Variants in COL8A1 observed in about 807,000 individuals in gnomAD.
COL8A1 encodes the protein collagen type VIII alpha 1 chain.
Under a neutral mutation model 42.7 loss-of-function variants are expected in COL8A1, and 21 were observed. The ratio of observed to expected loss-of-function variants is 0.49; its 90% CI spans 0.35 to 0.71. The LOEUF (loss-of-function observed/expected upper bound fraction) is 0.71, where lower values mean the gene tolerates loss of function less well. Among genes scored for constraint, COL8A1 ranks in the 30% least tolerant of loss-of-function variants. COL8A1 has a pLI of 0.01. For missense variants in COL8A1, 788 were observed against 962.4 expected (o/e 0.82, Z 2.40); for synonymous variants, 367 against 369.1 (o/e 0.99, Z 0.06).
intron 1 of COL8A1, among the ~76,000 whole-genome samples, chr3:99,716,361 G>A (rs1485568851): frequency 1.3e-5 from 2 of 151,928 alleles, no homozygotes; most frequent in East Asian, 1.9e-4. Flanking sequence ...CTTAAACATC[G>A]AGGCAGTTGC....
intron 1 of COL8A1, among the ~76,000 whole-genome samples, chr3:99,668,265 C>A (rs1476641826): frequency 6.6e-6 from 1 of 152,018 alleles, no homozygotes; most frequent in Non-Finnish European, 1.5e-5. Flanking sequence ...GGTTTTCGGT[C>A]CATTTAATTA....
rs76648181 is a variant in COL8A1, at chr3:99,689,845, C to T, written c.-129+51181C>T. On this transcript the variant is annotated intron_variant, in intron 1 of 3. Coordinates refer to ENST00000652472, the MANE Select transcript of COL8A1 (RefSeq NM_020351.4). ...CCCATCTATTCAACTTCCTCACAGA[C>T]GAGAGAACAGCAAAGGACAGTGAAC... Among the ~76,000 whole-genome samples, 789 of 152,166 alleles carry T rather than the reference C, an allele frequency of 5.2e-3. 8 individuals are homozygous for T. Among genetic ancestry groups the T allele is most frequent in the African/African-American group, 0.017 (700 of 41,532 alleles).
intron 1 of COL8A1, among the ~76,000 whole-genome samples, chr3:99,676,939 T>G (rs1938714898): frequency 6.6e-6 from 1 of 151,834 alleles, no homozygotes; most frequent in Non-Finnish European, 1.5e-5. Flanking sequence ...AATTTTATGC[T>G]GGGTGCAGTG....
Position 99,686,301 on chromosome 3 carries a change from TA to T in COL8A1, c.-129+47640del, listed in dbSNP as rs1376492715. Among the ~76,000 whole-genome samples the T allele has an allele frequency of 9.2e-5, 14 of 152,360 alleles. No homozygotes were observed. The East Asian group carries it at 1.9e-3, about 21-fold the overall frequency. ...ATGATACATTTCATTCAATTTAGTA[TA>T]AACCTTGTTAACAATGTATGAAAAC... is the stretch of plus-strand genomic sequence containing the variant. On this transcript the variant is annotated intron_variant, in intron 1 of 3. Transcript: ENST00000652472.
intron 2 of COL8A1, among the ~76,000 whole-genome samples, chr3:99,752,320 G>T (rs1400953672): frequency 1.3e-5 from 2 of 152,086 alleles, no homozygotes; most frequent in Non-Finnish European, 2.9e-5. Context: ...TTAGTACAGG[G>T]TTTGGTCATA....
At chr3:99,709,080 T>A (rs1487924067) in intron 1 of COL8A1, among the ~76,000 whole-genome samples, 1 of 129,380 alleles carries the variant, frequency 7.7e-6, no homozygotes, top group Non-Finnish European at 1.5e-5. Flanking sequence ...ATCTTGGCCC[T>A]TTTTGCTCTT....
intron 2 of COL8A1, among the ~76,000 whole-genome samples, chr3:99,760,774 T>C (rs746158653): frequency 2.0e-5 from 3 of 152,196 alleles, no homozygotes; most frequent in Non-Finnish European, 4.4e-5. Context: ...CAGAGATTTA[T>C]CGCCTCCATT....
intron 2 of COL8A1, among the ~76,000 whole-genome samples, chr3:99,764,987 G>A (rs1284792873): frequency 6.6e-6 from 1 of 151,926 alleles, no homozygotes; most frequent in Non-Finnish European, 1.5e-5. Context: ...TTTTTTAAGG[G>A]ATTGATGAAG....
chr3:99,784,682 C>A (rs986294651), intron 2 of COL8A1, among the ~76,000 whole-genome samples: 1 of 152,150 alleles, frequency 6.6e-6, no homozygotes, highest in Non-Finnish European at 1.5e-5. Flanking sequence ...ATGGCTAAGA[C>A]CTCACTAGGT....
intron 1 of COL8A1, among the ~76,000 whole-genome samples, chr3:99,698,345 C>T (rs1939439516): frequency 6.6e-6 from 1 of 152,190 alleles, no homozygotes; most frequent in Non-Finnish European, 1.5e-5. Flanking sequence ...AATGGGATGG[C>T]TGGATCAAAT....
At chr3:99,767,203 C>T (rs550546846) in intron 2 of COL8A1, among the ~76,000 whole-genome samples, 4 of 152,176 alleles carry the variant, frequency 2.6e-5, no homozygotes, top group Non-Finnish European at 5.9e-5. Flanking sequence ...AATACAACTT[C>T]ATTCATTTTA....
At chr3:99,760,723 T>A (rs967151159) in intron 2 of COL8A1, among the ~76,000 whole-genome samples, 1 of 152,212 alleles carries the variant, frequency 6.6e-6, no homozygotes, top group Non-Finnish European at 1.5e-5. Context: ...TGTCATTTCC[T>A]TATCAGAAGC....
intron 1 of COL8A1, among the ~76,000 whole-genome samples, chr3:99,736,257 T>C (rs1940711123): frequency 6.6e-6 from 1 of 152,202 alleles, no homozygotes; most frequent in Non-Finnish European, 1.5e-5. Flanking sequence ...GTGTCAATTT[T>C]GGATCTTTCC....
chr3:99,776,096 C>A (rs577659938), intron 2 of COL8A1, among the ~76,000 whole-genome samples: 1 of 152,284 alleles, frequency 6.6e-6, no homozygotes, highest in Admixed American at 6.5e-5. Flanking sequence ...AAGAAGTTGG[C>A]CCCTGAACCA....
At chr3:99,693,386 G>A (rs1048520380) in intron 1 of COL8A1, among the ~76,000 whole-genome samples, 3 of 152,148 alleles carry the variant, frequency 2.0e-5, no homozygotes, top group African/African-American at 4.8e-5. Flanking sequence ...CCAAAAGAAG[G>A]CATAGGATAT....
chr3:99,703,620 T>C (rs1939603365), intron 1 of COL8A1: 1 of 152,242 alleles, frequency 6.6e-6, no homozygotes, highest in Admixed American at 6.5e-5. Flanking sequence ...GGAGAAAGTC[T>C]ATTACAAGGC....
intron 2 of COL8A1, among the ~76,000 whole-genome samples, chr3:99,750,043 TTTC>T (rs1339257388): frequency 2.1e-5 from 3 of 144,282 alleles, no homozygotes; most frequent in African/African-American, 5.1e-5. Flanking sequence ...TTTTTCTTTT[TTTC>T]TTCTTTTTTT....
At chr3:99,673,745 GATTC>G (rs1218696651) in intron 1 of COL8A1, among the ~76,000 whole-genome samples, 7 of 151,954 alleles carry the variant, frequency 4.6e-5, no homozygotes, top group South Asian at 2.1e-4. Flanking sequence ...TAGGTATTAA[GATTC>G]AATTCCCAGT....
chr3:99,720,139 C>T (rs1410733045), intron 1 of COL8A1, among the ~76,000 whole-genome samples: 1 of 152,058 alleles, frequency 6.6e-6, no homozygotes, highest in African/African-American at 2.4e-5. Flanking sequence ...AAAAGTAGAT[C>T]CAATTAGATC....
Sources: allele counts gnomAD v4.1 joint callset (sites outside exome capture counted in the v4.1 genomes callset), GRCh38; gene constraint gnomAD v4.1.1; transcripts MANE v1.5; gene names NCBI Gene and HGNC (gene_info 2026-07-23, HGNC 2026-07-21).